Variants in SMG1 observed in about 807,000 individuals in gnomAD.
SMG1 encodes the protein serine/threonine-protein kinase SMG1.
Under a neutral mutation model 419.9 loss-of-function variants are expected in SMG1, and 22 were observed. That is an observed-to-expected ratio of 0.05 (90% CI 0.04 to 0.07). The LOEUF (loss-of-function observed/expected upper bound fraction) is 0.07, where lower values mean the gene tolerates loss of function less well. SMG1 is among the 10% of genes least tolerant of loss of function. SMG1 has a pLI of 1.00. For missense variants in SMG1, 3,185 were observed against 4,342.0 expected, an observed-to-expected ratio of 0.73 and a Z score of 7.49; for synonymous variants, 1,538 against 1,553.5, an observed-to-expected ratio of 0.99 and a Z score of 0.23.
chr16:18,900,908 T>C (rs2037318842), intron 1 of SMG1, among the ~76,000 whole-genome samples: 1 of 152,202 alleles, frequency 6.6e-6, no homozygotes, highest in African/African-American at 2.4e-5. Context: ...CATGCTTTAA[T>C]GAGGAATAAG....
Position 18,853,020 on chromosome 16 carries a change from G to GT in SMG1, c.4769-559dup, listed in dbSNP as rs547552659. On this transcript the variant is annotated intron_variant, in intron 31 of 62. Coordinates refer to ENST00000446231, the MANE Select transcript of SMG1 (RefSeq NM_015092.5). ...ATCAAAATTATTAACACCAATGTAA[G>GT]TAATTAAACTCTTAGGCTTCAGAAC... Among the ~76,000 whole-genome samples, 219 of 152,244 alleles carry GT rather than the reference G, an allele frequency of 1.4e-3. 2 individuals carry two copies. Among genetic ancestry groups the GT allele is most frequent in the Admixed American group, 3.1e-3 (47 of 15,284 alleles).
At chr16:18,880,725 G>A (rs1293298278) in intron 10 of SMG1, among the ~76,000 whole-genome samples, 1 of 139,270 alleles carries the variant, frequency 7.2e-6, no homozygotes, top group East Asian at 2.2e-4. Flanking sequence ...AAAAAAAGGG[G>A]GGGGGCGCGG....
chr16:18,819,973 T>G (rs943627488), intron 55 of SMG1, among the ~76,000 whole-genome samples: 1 of 152,132 alleles, frequency 6.6e-6, no homozygotes, highest in African/African-American at 2.4e-5. Flanking sequence ...AATTCTTTTT[T>G]TTTTCTTTTG....
intron 6 of SMG1, 65 bp downstream of exon 6, chr16:18,889,307 G>A (rs2036780094): frequency 2.2e-6 from 1 of 464,900 alleles, no homozygotes; most frequent in Non-Finnish European, 3.9e-6. Flanking sequence ...TCCCCTCCAA[G>A]GACATGTGTT....
chr16:18,839,961 A>T lies in SMG1; in HGVS notation c.6697-15T>A, dbSNP rs753417019. 6.6e-7 allele frequency: 1 copy of T among 1,516,558 alleles called. No individual in the cohort carries two copies. The highest frequency in any genetic ancestry group is 1.4e-5 in the African/African-American group (1 of 69,672). 93.9% of individuals were successfully genotyped at this position (1,516,558 alleles called of 1,614,324 possible). On this transcript the variant is annotated splice_polypyrimidine_tract_variant and intron_variant, in intron 41 of 62. Coordinates refer to ENST00000446231, the MANE Select transcript of SMG1 (RefSeq NM_015092.5). Reference sequence around the variant, plus strand: ...GAATCTTGGGCCTTAAGAAAAAACAATTTTTTTAAAAAAGAAAAGATCAAT... The same window carrying T: ...GAATCTTGGGCCTTAAGAAAAAACATTTTTTTTAAAAAAGAAAAGATCAAT...
intron 60 of SMG1, among the ~76,000 whole-genome samples, chr16:18,813,427 T>G (rs2031668867): frequency 1.3e-5 from 2 of 152,258 alleles, no homozygotes; most frequent in South Asian, 4.1e-4. Flanking sequence ...CCAGTGATGA[T>G]GAGCATTTTT....
At chr16:18,841,819 T>C in intron 40 of SMG1, 25 bp from the exon 41 acceptor site, 1 of 1,592,622 alleles carries the variant, frequency 6.3e-7, no homozygotes, top group Non-Finnish European at 8.6e-7. Flanking sequence ...TTAAAATAGC[T>C]AGGATAGGTG....
rs756080780 is a variant in SMG1 at position 18,834,264 on chromosome 16, C to T, written c.8505G>A (p.Pro2835=). 6.8e-6 allele frequency: 11 copies of T among 1,610,282 alleles called. No individual in the cohort carries two copies. Among genetic ancestry groups the T allele is most frequent in the Admixed American group, 1.7e-5 (1 of 59,426 alleles). Reference sequence around the variant, plus strand: ...CTGTCTCAGACGCTTCCATGGGGTTCGGGATATCTAAGTCCTGTGGCACCA... The same window carrying T: ...CTGTCTCAGACGCTTCCATGGGGTTTGGGATATCTAAGTCCTGTGGCACCA... ...CHLVPQDLDI[P]NPMEASETVH... Residue 2835 remains proline, a synonymous_variant, in exon 50 of 63, where the codon CCG becomes CCA. Transcript: ENST00000446231.
At chr16:18,905,039 A>ATCATGAGT (rs2037504297) in intron 1 of SMG1, among the ~76,000 whole-genome samples, 1 of 152,146 alleles carries the variant, frequency 6.6e-6, no homozygotes, top group Non-Finnish European at 1.5e-5. Context: ...AGGCAGGCAG[A>ATCATGAGT]TCATGAGTTC....
intron 62 of SMG1, among the ~76,000 whole-genome samples, chr16:18,809,974 T>G (rs1432645202): frequency 1.3e-5 from 2 of 151,638 alleles, no homozygotes; most frequent in Non-Finnish European, 1.5e-5. Flanking sequence ...GACAAAACGG[T>G]TTCTTAAAAA....
intron 56 of SMG1, 143 bp from the exon 57 acceptor site, chr16:18,817,613 AC>A (rs1186804264): frequency 6.0e-6 from 4 of 663,470 alleles, no homozygotes; most frequent in African/African-American, 1.8e-5. Context: ...TGGGAAATAG[AC>A]CAAAACCTTA....
chr16:18,868,152 T>G, intron 22 of SMG1, 38 bp downstream of exon 22: 1 of 1,545,446 alleles, frequency 6.5e-7, no homozygotes. Flanking sequence ...CTTTTCTTAT[T>G]AACAGACTTA....
At chr16:18,879,909 G>C (rs1359273606) in intron 10 of SMG1, among the ~76,000 whole-genome samples, 190 bp from the exon 11 acceptor site, 1 of 152,134 alleles carries the variant, frequency 6.6e-6, no homozygotes, top group African/African-American at 2.4e-5. Context: ...ACATGATCTT[G>C]GCTAAAAAAT....
chr16:18,899,625 T>C (rs918246254), intron 1 of SMG1, among the ~76,000 whole-genome samples: 1 of 152,064 alleles, frequency 6.6e-6, no homozygotes, highest in Non-Finnish European at 1.5e-5. Flanking sequence ...CCCAGTCCAA[T>C]AAATAGAAAA....
Position 18,850,325 on chromosome 16 carries a change from A to G in SMG1, c.5195T>C (p.Val1732Ala), listed in dbSNP as rs2141378550. The change falls in exon 34 of 63, where the codon GTG (valine) becomes GCG (alanine). Residue 1732 changes from valine to alanine, a missense_variant. Around this residue, in one of 27 missense-constraint regions of SMG1, gnomAD observed 493 missense variants for 552.9 expected, o/e 0.89. Coordinates refer to ENST00000446231, the MANE Select transcript of SMG1 (RefSeq NM_015092.5). ...TATTCTATCTACAACTTTCCTCCAC[A>G]CTTTAATAACTCCTTCAGTTGCACT... ...DESATEGVIK[V>A]WRKVVDRIFS... 6.2e-7 allele frequency: 1 copy of G among 1,613,938 alleles called. No homozygotes were observed. The highest frequency in any genetic ancestry group is 8.5e-7 in the Non-Finnish European group (1 of 1,179,872).
intron 45 of SMG1, 38 bp from the exon 46 acceptor site, chr16:18,837,481 G>T: frequency 6.5e-7 from 1 of 1,543,628 alleles, no homozygotes; most frequent in Non-Finnish European, 8.8e-7. Flanking sequence ...ACTCTTACAG[G>T]GCCAATTTTG....
chr16:18,855,279 T>A (rs1045437168), intron 29 of SMG1, among the ~76,000 whole-genome samples: 1 of 152,206 alleles, frequency 6.6e-6, no homozygotes, highest in Non-Finnish European at 1.5e-5. Context: ...TTTCTTCCTA[T>A]CTTGCTGAAG....
intron 38 of SMG1, 106 bp from the exon 39 acceptor site, chr16:18,845,757 G>C (rs558815776): frequency 2.0e-5 from 16 of 789,366 alleles, no homozygotes; most frequent in Non-Finnish European, 2.8e-5. Context: ...ACAGTACCAA[G>C]GAATAAGTCT....
Position 18,807,890 on chromosome 16 carries a change from G to T in SMG1, c.*1679C>A, listed in dbSNP as rs2030991597. On this transcript the variant is annotated 3_prime_UTR_variant, in exon 63 of 63. Transcript: ENST00000446231. ...TTCTCCTGCCTCAGCCTCCCGAGTA[G>T]CTGGGACTACAGGCGCCCGCCACCA... 6.6e-6 allele frequency: 1 copy of T among 152,158 alleles called. No individual in the cohort carries two copies. Among genetic ancestry groups the T allele is most frequent in the African/African-American group, 2.4e-5 (1 of 41,406 alleles). The allele number at this position is 152,158 out of a possible 1,614,324, so 9.4% of individuals were successfully genotyped here. A position where few individuals can be genotyped will look rare whatever the true frequency, so the allele number is the denominator to read the frequency against.
Sources: gnomAD v4.1 joint callset for allele counts (sites outside exome capture counted in the v4.1 genomes callset) on GRCh38, gnomAD v4.1.1 for gene constraint, gnomAD v4.1.1 regional missense constraint, MANE v1.5 for transcripts, NCBI Gene and HGNC (gene_info 2026-07-23, HGNC 2026-07-21) for gene names.